The following SAE1 variants were observed in gnomAD, a reference collection of about 807,000 sequenced individuals.
The protein encoded by SAE1 is SUMO-activating enzyme subunit 1.
SAE1 carries 11 observed loss-of-function variants against 40.6 expected under a neutral mutation model. The ratio of observed to expected loss-of-function variants is 0.27; its 90% CI spans 0.17 to 0.45. SAE1 has a LOEUF of 0.45. Among genes scored for constraint, SAE1 ranks in the 20% least tolerant of loss-of-function variants. The probability of loss-of-function intolerance (pLI) is 1.00; values close to 1 mark genes in which losing one functional copy is unlikely to be tolerated. For missense variants in SAE1, 373 were observed against 427.3 expected (o/e 0.87, Z 1.12); for synonymous variants, 155 against 154.3 (o/e 1.00, Z -0.03).
At chr19:47,188,734 G>C (rs2058560038) in intron 6 of SAE1, among the ~76,000 whole-genome samples, 1 of 152,224 alleles carries the variant, frequency 6.6e-6, no homozygotes, top group Non-Finnish European at 1.5e-5. Flanking sequence ...CAAGGTCACA[G>C]TAAGTGGAAG....
intron 8 of SAE1, 103 bp from the exon 9 acceptor site, chr19:47,209,055 AC>A (rs2058699688): frequency 2.8e-6 from 3 of 1,089,986 alleles, no homozygotes; most frequent in Non-Finnish European, 4.0e-6. Flanking sequence ...AGCAAAATCG[AC>A]CCCAGTTAAG....
intron 6 of SAE1, among the ~76,000 whole-genome samples, chr19:47,181,042 C>A (rs981649429): frequency 3.3e-5 from 5 of 152,060 alleles, no homozygotes; most frequent in South Asian, 2.1e-4. Context: ...GAGGCCCCGG[C>A]GTGGTGGCTC....
rs570807685 is a variant in SAE1 at position 47,186,070 on chromosome 19, T to C, written c.734-11163T>C. Among the ~76,000 whole-genome samples, 5 of 151,464 alleles carry C rather than the reference T, an allele frequency of 3.3e-5. No homozygotes were observed. In the East Asian group the frequency reaches 7.9e-4, roughly 24 times the overall value. On this transcript the variant is annotated intron_variant, in intron 6 of 8. Transcript: ENST00000270225. The stretch of plus-strand genomic sequence containing the variant: ...GCCTGGCTAACATGGTGAAACCCCG[T>C]CTCTACTAAAAATACAAAAATTGAC...
intron 6 of SAE1, among the ~76,000 whole-genome samples, chr19:47,181,383 G>A (rs2058504974): frequency 6.7e-6 from 1 of 150,004 alleles, no homozygotes; most frequent in African/African-American, 2.5e-5. Context: ...TAGCAGTACT[G>A]TTTCCATGTT....
At chr19:47,208,067 CCT>C (rs1467982606) in intron 8 of SAE1, among the ~76,000 whole-genome samples, 1 of 152,198 alleles carries the variant, frequency 6.6e-6, no homozygotes, top group Non-Finnish European at 1.5e-5. Context: ...GACTCTATGT[CCT>C]CATGGAATAG....
intron 6 of SAE1, among the ~76,000 whole-genome samples, chr19:47,190,110 A>G (rs1333571820): frequency 6.6e-6 from 1 of 152,192 alleles, no homozygotes; most frequent in East Asian, 1.9e-4. Context: ...CTAGTCCATC[A>G]TCTCCAGCAA....
chr19:47,188,825 A>G (rs910228061), intron 6 of SAE1, among the ~76,000 whole-genome samples: 2 of 152,162 alleles, frequency 1.3e-5, no homozygotes, highest in Admixed American at 1.3e-4. Context: ...CTTTGCAGAG[A>G]GAAGGTACAG....
intron 2 of SAE1, among the ~76,000 whole-genome samples, chr19:47,147,958 C>T (rs536185213): frequency 1.3e-4 from 19 of 151,968 alleles, no homozygotes; most frequent in African/African-American, 4.6e-4. Flanking sequence ...GATGGGGTTT[C>T]ACCGTATTAG....
chr19:47,164,545 G>GTATTGAGGT (rs920782723), intron 5 of SAE1, among the ~76,000 whole-genome samples: 3 of 148,890 alleles, frequency 2.0e-5, no homozygotes, highest in Non-Finnish European at 4.4e-5. Flanking sequence ...GTCACCTATT[G>GTATTGAGGT]TATTGAGGTT....
At chr19:47,177,970 C>T (rs938364860) in intron 6 of SAE1, among the ~76,000 whole-genome samples, 14 of 151,998 alleles carry the variant, frequency 9.2e-5, no homozygotes, top group Non-Finnish European at 1.8e-4. Flanking sequence ...TGGCCAGGCG[C>T]GGTGGCTCAC....
At chr19:47,205,913 G>C (rs1026941943) in intron 8 of SAE1, among the ~76,000 whole-genome samples, 1 of 152,162 alleles carries the variant, frequency 6.6e-6, no homozygotes, top group South Asian at 2.1e-4. Flanking sequence ...TCTTCACCAC[G>C]GGGCAGTCAT....
chr19:47,140,031 G>A (rs536072453), intron 1 of SAE1, among the ~76,000 whole-genome samples: 1 of 147,144 alleles, frequency 6.8e-6, no homozygotes, highest in African/African-American at 2.5e-5. Flanking sequence ...TCCGCCTCCC[G>A]GGTTCAAGCG....
chr19:47,168,852 C>A (rs2058413114), intron 5 of SAE1, among the ~76,000 whole-genome samples: 1 of 152,066 alleles, frequency 6.6e-6, no homozygotes, highest in South Asian at 2.1e-4. Context: ...GATCCACCCG[C>A]CTCGGCCTCC....
chr19:47,166,380 G>T (rs62135081), intron 5 of SAE1, among the ~76,000 whole-genome samples: 1 of 152,084 alleles, frequency 6.6e-6, no homozygotes, highest in Admixed American at 6.6e-5. Flanking sequence ...TTATGAAGAA[G>T]GCGAGTTTGT....
intron 1 of SAE1, among the ~76,000 whole-genome samples, chr19:47,138,451 CT>C (rs879655396): frequency 2.0e-5 from 3 of 152,180 alleles, no homozygotes; most frequent in African/African-American, 4.8e-5. Context: ...ATACAAAGAG[CT>C]TAGTAGAACA....
intron 6 of SAE1, among the ~76,000 whole-genome samples, chr19:47,173,122 G>A (rs2058445449): frequency 6.6e-6 from 1 of 152,046 alleles, no homozygotes; most frequent in Non-Finnish European, 1.5e-5. Context: ...TCTGCCTCCT[G>A]GGTTCGAGCG....
intron 6 of SAE1, among the ~76,000 whole-genome samples, chr19:47,194,917 ATT>A (rs982537922): frequency 2.0e-5 from 3 of 149,832 alleles, no homozygotes; most frequent in African/African-American, 2.5e-5. Context: ...TAATTTATGT[ATT>A]TTTTTAGTAG....
At chr19:47,157,395 T>C (rs947083958) in intron 5 of SAE1, among the ~76,000 whole-genome samples, 1 of 152,206 alleles carries the variant, frequency 6.6e-6, no homozygotes, top group African/African-American at 2.4e-5. Flanking sequence ...TTGTGGGTGC[T>C]GTCAGTTTAT....
In SAE1 at chr19:47,181,556, G is replaced by A. The variant is rs373366124; in HGVS notation, c.733+11633G>A. 2.2e-4 allele frequency among the ~76,000 whole-genome samples: 29 copies of A among 133,422 alleles called. No individual in the cohort carries two copies. In the East Asian group the frequency reaches 6.2e-3, roughly 28 times the overall value. 87.5% of individuals were successfully genotyped at this position (133,422 alleles called of 152,430 possible). ...TGCAGTGGCATCATCTCGGCTCACT[G>A]CAAGCTCCACCTCATAGGTTTACGC... On this transcript the variant is annotated intron_variant, in intron 6 of 8. Transcript: ENST00000270225.
Sources: allele counts gnomAD v4.1 joint callset (sites outside exome capture counted in the v4.1 genomes callset), GRCh38; gene constraint gnomAD v4.1.1; transcripts MANE v1.5; gene names NCBI Gene and HGNC (gene_info 2026-07-23, HGNC 2026-07-21).